The following MAPK14 variants were observed in gnomAD, a reference collection of about 807,000 sequenced individuals.
MAPK14 encodes CSAID-binding protein.
MAPK14 carries 16 observed loss-of-function variants against 49.6 expected under a neutral mutation model. The ratio of observed to expected loss-of-function variants is 0.32; its 90% CI spans 0.22 to 0.49. The LOEUF (loss-of-function observed/expected upper bound fraction) is 0.49, where lower values mean the gene tolerates loss of function less well. Ranked by LOEUF, MAPK14 falls within the 20% of genes least tolerant of loss-of-function variation. The pLI, the probability that MAPK14 is intolerant of heterozygous loss-of-function variation, is 0.99. For synonymous variants in MAPK14, 142 were observed against 158.0 expected, an observed-to-expected ratio of 0.90 and a Z score of 0.76; for missense variants, 200 against 441.2, an observed-to-expected ratio of 0.45 and a Z score of 4.90.
intron 8 of MAPK14, among the ~76,000 whole-genome samples, chr6:36,079,354 A>G (rs970007965): frequency 3.3e-5 from 5 of 152,200 alleles, no homozygotes; most frequent in Non-Finnish European, 7.3e-5. Flanking sequence ...AGCCTGAAAG[A>G]CATGCACCTG....
At chr6:36,043,222 G>A (rs1763035707) in intron 1 of MAPK14, among the ~76,000 whole-genome samples, 1 of 152,150 alleles carries the variant, frequency 6.6e-6, no homozygotes, top group Non-Finnish European at 1.5e-5. Context: ...ATACTGTTGT[G>A]TTGACATTAA....
At chr6:36,112,609 C>T (rs1765994090), downstream of MAPK14, among the ~76,000 whole-genome samples, 1 of 151,994 alleles carries the variant, frequency 6.6e-6, no homozygotes, top group African/African-American at 2.4e-5. Flanking sequence ...TATTTGAGGG[C>T]TTCATCAGTT....
chr6:36,113,651 G>A (rs1446786592), downstream of MAPK14, among the ~76,000 whole-genome samples: 1 of 152,248 alleles, frequency 6.6e-6, no homozygotes, highest in Non-Finnish European at 1.5e-5. Context: ...TCTCTAGGCA[G>A]TGGGATTGTG....
chr6:36,061,959 C>T (rs954629941), intron 3 of MAPK14, among the ~76,000 whole-genome samples: 6 of 152,088 alleles, frequency 3.9e-5, no homozygotes, highest in African/African-American at 1.2e-4. Context: ...CACTGTAGTT[C>T]GACTATAGTT....
intron 1 of MAPK14, among the ~76,000 whole-genome samples, chr6:36,050,307 G>A (rs757670055): frequency 1.3e-5 from 2 of 152,220 alleles, no homozygotes; most frequent in Non-Finnish European, 2.9e-5. Flanking sequence ...AGGGCTGAAG[G>A]ATAGAAACAA....
At chr6:36,049,911 A>G (rs1763329841) in intron 1 of MAPK14, among the ~76,000 whole-genome samples, 1 of 152,192 alleles carries the variant, frequency 6.6e-6, no homozygotes, top group South Asian at 2.1e-4. Context: ...ATTTGGGGCT[A>G]AGCAAATGGA....
intron 1 of MAPK14, among the ~76,000 whole-genome samples, chr6:36,044,426 C>T (rs1763092514): frequency 6.6e-6 from 1 of 152,184 alleles, no homozygotes; most frequent in Non-Finnish European, 1.5e-5. Context: ...GGCACTTGTC[C>T]AGCACCTTAC....
chr6:36,048,595 G>A (rs531374292), intron 1 of MAPK14, among the ~76,000 whole-genome samples: 2 of 152,336 alleles, frequency 1.3e-5, no homozygotes, highest in East Asian at 1.9e-4. Flanking sequence ...ACTTTGAGAC[G>A]TCTTTTGGAG....
At chr6:36,083,975 G>A (rs916824555) in intron 8 of MAPK14, among the ~76,000 whole-genome samples, 5 of 152,130 alleles carry the variant, frequency 3.3e-5, no homozygotes, top group Non-Finnish European at 7.4e-5. Flanking sequence ...CCTCTGGGAC[G>A]GAGCTCCCAG....
At chr6:36,076,010 A>G (rs200361572) in intron 7 of MAPK14, 48 bp downstream of exon 7, 43 of 1,591,518 alleles carry the variant, frequency 2.7e-5, no homozygotes, top group Non-Finnish European at 3.6e-5. Flanking sequence ...TCCATGTTGG[A>G]TGCATTTGGG....
At chr6:36,100,084 T>C (rs1212559234) in intron 9 of MAPK14, 3 of 779,078 alleles carry the variant, frequency 3.9e-6, no homozygotes, top group Non-Finnish European at 6.9e-6. Context: ...GAGGGTAGGT[T>C]TTTTTGTCTG....
chr6:36,124,118 TCCTCCCTCCCTC>T, the MAPK14 span, among the ~76,000 whole-genome samples: 13 of 38,650 alleles, frequency 3.4e-4, no homozygotes, highest in Admixed American at 8.3e-4. Flanking sequence ...TCTCTCTCTC[TCCTCCCTCCCTC>T]CCTCCCTCCC....
At chr6:36,035,362 A>G (rs535112708) in intron 1 of MAPK14, among the ~76,000 whole-genome samples, 8 of 152,190 alleles carry the variant, frequency 5.3e-5, no homozygotes, top group Non-Finnish European at 1.2e-4. Context: ...GGCAGACTTA[A>G]TTGATAAACA....
rs1020221056 is a variant in MAPK14, at chr6:36,028,368, C to T, written c.116+95C>T. The T allele has an allele frequency of 7.0e-6, 6 of 854,318 alleles. No individual in the cohort carries two copies. Among genetic ancestry groups the T allele is most frequent in the East Asian group, 2.7e-5 (1 of 37,324 alleles). 52.9% of individuals were successfully genotyped at this position (854,318 alleles called of 1,614,324 possible). On this transcript the variant is annotated intron_variant, in intron 1 of 11. Transcript: ENST00000229794. The surrounding 1 kb of genome is among the most constrained non-coding windows in gnomAD (Gnocchi z 5.1). ...CACTGCTCAGCGTTGCGTCAAGTGG[C>T]AGGAATTTTCCTCGGGGGAGGGCAT...
At position 36,072,993 on chromosome 6, in the gene MAPK14, A is replaced by T. The variant is rs1258731730; in HGVS notation, c.417+9A>T. 1.3e-6 allele frequency: 2 copies of T among 1,495,576 alleles called. No individual in the cohort carries two copies. The allele number at this position is 1,495,576 out of a possible 1,614,324, so 92.6% of individuals were successfully genotyped here. A position where few individuals can be genotyped will look rare whatever the true frequency, so the allele number is the denominator to read the frequency against. On this transcript the variant is annotated intron_variant, in intron 4 of 11. Coordinates refer to ENST00000229794, the MANE Select transcript of MAPK14 (RefSeq NM_139012.3). ...TTCTCCGAGGTCTAAAGGTACAGAT[A>T]ATACAAGTAATAATTTTTTAAAATG...
At chr6:36,057,166 A>G (rs1344864024) in intron 2 of MAPK14, among the ~76,000 whole-genome samples, 1 of 152,192 alleles carries the variant, frequency 6.6e-6, no homozygotes. Context: ...TGCAAAATAC[A>G]TATATTTTTC....
chr6:36,080,900 T>C (rs1764732703), intron 8 of MAPK14, among the ~76,000 whole-genome samples: 2 of 152,020 alleles, frequency 1.3e-5, no homozygotes, highest in South Asian at 4.1e-4. Flanking sequence ...TATCTCACTG[T>C]GGTTTTGATT....
intron 8 of MAPK14, 87 bp from the exon 9 acceptor site, chr6:36,095,900 T>G: frequency 1.2e-6 from 1 of 828,192 alleles, no homozygotes; most frequent in Non-Finnish European, 2.0e-6. Context: ...CTCGGTGTGT[T>G]CTGTTTGTTT....
At chr6:36,055,921 TA>T (rs1340448282) in intron 2 of MAPK14, among the ~76,000 whole-genome samples, 1 of 152,186 alleles carries the variant, frequency 6.6e-6, no homozygotes, top group Non-Finnish European at 1.5e-5. Context: ...GGATATTTTG[TA>T]AAAACCCATC....
Sources: allele counts gnomAD v4.1 joint callset (sites outside exome capture counted in the v4.1 genomes callset), GRCh38; gene constraint gnomAD v4.1.1; non-coding constraint Gnocchi (gnomAD v3.1); transcripts MANE v1.5; gene names NCBI Gene and HGNC (gene_info 2026-07-23, HGNC 2026-07-21).